UQCRH: variants seen among roughly 807,000 people sequenced by gnomAD.
UQCRH encodes ubiquinol-cytochrome c reductase hinge protein, also known as cytochrome b-c1 complex subunit 6, mitochondrial.
In UQCRH, 14 loss-of-function variants were observed where a neutral mutation model predicts 16.3. That is an observed-to-expected ratio of 0.86 (90% confidence interval 0.57 to 1.34). The LOEUF is 1.34. Among genes scored for constraint, UQCRH ranks in the 40% most tolerant of loss-of-function variants. The probability of loss-of-function intolerance (pLI) is 0.00; values close to 1 mark genes in which losing one functional copy is unlikely to be tolerated. For missense variants in UQCRH, 89 were observed against 111.9 expected, an observed-to-expected ratio of 0.80 and a Z score of 0.92; for synonymous variants, 41 against 41.9, an observed-to-expected ratio of 0.98 and a Z score of 0.08.
intron 1 of UQCRH, among the ~76,000 whole-genome samples, chr1:46,306,380 GTT>G (rs58917170): frequency 8.0e-6 from 1 of 125,168 alleles, no homozygotes; most frequent in Non-Finnish European, 1.7e-5. Context: ...AACTTTTTCA[GTT>G]TTTTTTTTTT....
At chr1:46,305,364 T>C (rs1286777585) in intron 1 of UQCRH, among the ~76,000 whole-genome samples, 2 of 141,356 alleles carry the variant, frequency 1.4e-5, no homozygotes, top group Non-Finnish European at 3.1e-5. Flanking sequence ...GTCAGCAAGA[T>C]CCACCGCTGC....
chr1:46,304,198 C>T (rs1448237855), intron 1 of UQCRH, among the ~76,000 whole-genome samples: 1 of 152,140 alleles, frequency 6.6e-6, no homozygotes, highest in African/African-American at 2.4e-5. Flanking sequence ...ATCCCTACCA[C>T]ATCTTCTATG....
At chr1:46,315,433 C>CA (rs200232349) in intron 3 of UQCRH, among the ~76,000 whole-genome samples, 6,175 of 142,210 alleles carry the variant, frequency 0.043, 214 homozygotes, top group African/African-American at 0.091. Context: ...AACTCTGTCT[C>CA]AAAAAAAAAA....
intron 1 of UQCRH, 70 bp downstream of exon 1, chr1:46,303,890 C>T: frequency 6.2e-7 from 1 of 1,604,004 alleles, no homozygotes; most frequent in Non-Finnish European, 8.5e-7. Flanking sequence ...CCAAAACACG[C>T]ACGGGGCCCT....
In UQCRH at chr1:46,316,662, G is replaced by T. The variant is rs1309119941; in HGVS notation, c.*78G>T. The stretch of plus-strand genomic sequence containing the variant: ...CCTTATGGTTTTGGATGTACCATTT[G>T]TTTCTTATTTGTGTAACTGTAAGTT... On this transcript the variant is annotated 3_prime_UTR_variant, in exon 4 of 4. Transcript: ENST00000311672. 1 of 1,595,074 alleles carries T rather than the reference G, an allele frequency of 6.3e-7. No homozygotes were observed. Among genetic ancestry groups the T allele is most frequent in the Non-Finnish European group, 8.5e-7 (1 of 1,172,040 alleles).
At chr1:46,315,424 ACT>A (rs773725708) in intron 3 of UQCRH, among the ~76,000 whole-genome samples, 2 of 149,926 alleles carry the variant, frequency 1.3e-5, no homozygotes, top group Middle Eastern at 3.2e-3. Context: ...CAAGAGTGAA[ACT>A]CTGTCTCAAA....
chr1:46,304,841 G>A (rs1238787355), intron 1 of UQCRH, among the ~76,000 whole-genome samples: 1 of 152,166 alleles, frequency 6.6e-6, no homozygotes, highest in Non-Finnish European at 1.5e-5. Flanking sequence ...GCCAAGCAGC[G>A]CGGTTCTAGA....
chr1:46,315,981 G>A (rs531230929), intron 3 of UQCRH, among the ~76,000 whole-genome samples: 1 of 152,282 alleles, frequency 6.6e-6, no homozygotes, highest in African/African-American at 2.4e-5. Context: ...GCCAGCATAG[G>A]AAACAGAAGT....
chr1:46,312,094 A>AT (rs780057664), intron 3 of UQCRH, among the ~76,000 whole-genome samples: 2,890 of 137,464 alleles, frequency 0.021, 111 homozygotes, highest in African/African-American at 0.072. Context: ...TGCCTTGGTA[A>AT]TTTTTTTTTT....
chr1:46,308,635 G>T (rs531592794), intron 1 of UQCRH, among the ~76,000 whole-genome samples: 5 of 152,292 alleles, frequency 3.3e-5, no homozygotes, highest in Admixed American at 2.0e-4. Flanking sequence ...CCAGGAGTTT[G>T]AGAGCAGCCT....
chr1:46,305,717 C>T (rs1479528669), intron 1 of UQCRH, among the ~76,000 whole-genome samples: 1 of 150,784 alleles, frequency 6.6e-6, no homozygotes. Flanking sequence ...CGCCACTGCA[C>T]TCCAGCCTGG....
chr1:46,309,137 G>C lies in UQCRH; in HGVS notation c.81+10G>C. ...AGAGGAGGAATTAGTGGTAAGAACT[G>C]TCTCAGGTTTGGAAACATCTCAGTA... On this transcript the variant is annotated intron_variant, in intron 2 of 3. Coordinates refer to ENST00000311672, the MANE Select transcript of UQCRH (RefSeq NM_006004.4). 4 of 1,609,734 alleles carry C rather than the reference G, an allele frequency of 2.5e-6. No homozygotes were observed. Among genetic ancestry groups the C allele is most frequent in the Non-Finnish European group, 3.4e-6 (4 of 1,179,042 alleles).
At chr1:46,309,892 T>G in intron 2 of UQCRH, 1 of 1,385,546 alleles carries the variant, frequency 7.2e-7, no homozygotes, top group Non-Finnish European at 9.3e-7. Flanking sequence ...CACCTTGTTT[T>G]TCAGATAGGA....
In UQCRH at chr1:46,303,776, G is replaced by C; in HGVS notation, c.10G>C (p.Glu4Gln). 6.2e-7 allele frequency: 1 copy of C among 1,614,174 alleles called. No individual in the cohort carries two copies. Among genetic ancestry groups the C allele is most frequent in the South Asian group, 1.1e-5 (1 of 91,080 alleles). The part of the protein sequence containing the change: MGL[E>Q]DEQKMLTESG... ...AGAACCGTAGCCAGACATGGGACTG[G>C]AGGACGAGCAAAAGATGCTTACCGA... is the stretch of plus-strand genomic sequence containing the variant. Residue 4 changes from glutamate to glutamine, a missense_variant, in exon 1 of 4, where the codon GAG becomes CAG. By Grantham distance (29) the Glu-to-Gln change is conservative (BLOSUM62 2). Transcript: ENST00000311672.
intron 3 of UQCRH, among the ~76,000 whole-genome samples, chr1:46,314,384 G>C (rs1310931146): frequency 6.7e-6 from 1 of 150,106 alleles, no homozygotes; most frequent in Non-Finnish European, 1.5e-5. Flanking sequence ...AAAAAAAAGA[G>C]AAGGGGCTGG....
chr1:46,312,293 C>T (rs751327633), intron 3 of UQCRH, among the ~76,000 whole-genome samples: 3 of 151,832 alleles, frequency 2.0e-5, no homozygotes, highest in Non-Finnish European at 2.9e-5. Context: ...TTAGTAGAGA[C>T]GGGGTTTCAC....
intron 3 of UQCRH, among the ~76,000 whole-genome samples, chr1:46,311,308 T>C (rs142618742): frequency 0.047 from 6,339 of 136,046 alleles, 242 homozygotes; most frequent in African/African-American, 0.096. Flanking sequence ...ACGCCTGTAA[T>C]CCCAGCACTT....
chr1:46,315,894 A>G (rs941342811), intron 3 of UQCRH, among the ~76,000 whole-genome samples: 4 of 152,104 alleles, frequency 2.6e-5, no homozygotes, highest in African/African-American at 7.2e-5. Context: ...AAATATTTAC[A>G]TATATTTGTC....
At chr1:46,305,379 G>A (rs1438420136) in intron 1 of UQCRH, among the ~76,000 whole-genome samples, 1 of 149,698 alleles carries the variant, frequency 6.7e-6, no homozygotes, top group Non-Finnish European at 1.5e-5. Context: ...CGCTGCAATA[G>A]ATGAGAAAAA....
Sources: allele counts gnomAD v4.1 joint callset (sites outside exome capture counted in the v4.1 genomes callset), GRCh38; gene constraint gnomAD v4.1.1; transcripts MANE v1.5; gene names NCBI Gene and HGNC (gene_info 2026-07-23, HGNC 2026-07-21).